Variants in ESCO1 observed in about 807,000 individuals in gnomAD.
ESCO1 encodes the protein N-acetyltransferase ESCO1.
ESCO1 carries 33 observed loss-of-function variants against 83.5 expected under a neutral mutation model. The ratio of observed to expected loss-of-function variants is 0.40; its 90% CI spans 0.30 to 0.53. The LOEUF (loss-of-function observed/expected upper bound fraction) is 0.53, where lower values mean the gene tolerates loss of function less well. Ranked by LOEUF, ESCO1 falls within the 20% of genes least tolerant of loss-of-function variation. The pLI, the probability that ESCO1 is intolerant of heterozygous loss-of-function variation, is 0.63. For synonymous variants in ESCO1, 332 were observed against 324.3 expected (o/e 1.02, Z -0.25); for missense variants, 855 against 968.0 (o/e 0.88, Z 1.55).
intron 2 of ESCO1, among the ~76,000 whole-genome samples, chr18:21,581,391 T>C (rs76020300): frequency 0.042 from 6,380 of 151,898 alleles, 459 homozygotes; most frequent in African/African-American, 0.15. Context: ...TTTAACAGTT[T>C]AGTTCCAACA....
intron 8 of ESCO1, among the ~76,000 whole-genome samples, chr18:21,560,460 T>C (rs2038168397): frequency 6.6e-6 from 1 of 151,918 alleles, no homozygotes; most frequent in Non-Finnish European, 1.5e-5. Flanking sequence ...ACCTACTTGG[T>C]ATAATACCTA....
chr18:21,576,429 G>A (rs2038419537), intron 2 of ESCO1, among the ~76,000 whole-genome samples: 1 of 152,148 alleles, frequency 6.6e-6, no homozygotes, highest in African/African-American at 2.4e-5. Context: ...TTTGAGCCTA[G>A]GAGTTGAAGG....
chr18:21,557,983 GT>G (rs757798371), intron 8 of ESCO1, among the ~76,000 whole-genome samples: 245 of 141,254 alleles, frequency 1.7e-3, no homozygotes, highest in Middle Eastern at 3.6e-3. Flanking sequence ...GTTTTTTGGG[GT>G]TTTTTTTTTT....
At chr18:21,564,468 G>T in intron 6 of ESCO1, 151 bp from the exon 7 acceptor site, 1 of 530,024 alleles carries the variant, frequency 1.9e-6, no homozygotes, top group Non-Finnish European at 3.3e-6. Flanking sequence ...TTGGCTCACT[G>T]CAAACTTTGC....
chr18:21,600,026 T>A (rs1333127607), intron 1 of ESCO1, among the ~76,000 whole-genome samples: 1 of 152,194 alleles, frequency 6.6e-6, no homozygotes, highest in Non-Finnish European at 1.5e-5. Context: ...CAGCATGAGT[T>A]ACTCTATGAC....
At chr18:21,562,467 CAAA>C (rs34722426) in intron 7 of ESCO1, among the ~76,000 whole-genome samples, 11 of 138,646 alleles carry the variant, frequency 7.9e-5, no homozygotes, top group Non-Finnish European at 6.3e-5. Flanking sequence ...CTCCGTCTTA[CAAA>C]AAAAAAAAAA....
chr18:21,551,241 C>T (rs1482312343), intron 8 of ESCO1, among the ~76,000 whole-genome samples: 1 of 151,534 alleles, frequency 6.6e-6, no homozygotes, highest in African/African-American at 2.4e-5. Flanking sequence ...GAGGCCGAGG[C>T]GGACAGATCA....
chr18:21,557,388 G>T (rs894256407), intron 8 of ESCO1, among the ~76,000 whole-genome samples: 1 of 152,144 alleles, frequency 6.6e-6, no homozygotes, highest in African/African-American at 2.4e-5. Flanking sequence ...AATCATAGAT[G>T]ACTATCTATG....
intron 10 of ESCO1, among the ~76,000 whole-genome samples, chr18:21,533,256 C>A (rs1015887646): frequency 2.0e-5 from 3 of 151,966 alleles, no homozygotes; most frequent in African/African-American, 7.3e-5. Context: ...TAAAAAATAT[C>A]TCTGCCAGTC....
At chr18:21,542,651 C>T (rs1236375108) in intron 8 of ESCO1, among the ~76,000 whole-genome samples, 1 of 152,114 alleles carries the variant, frequency 6.6e-6, no homozygotes, top group East Asian at 1.9e-4. Flanking sequence ...TCTAACAAAA[C>T]AGTCAATCAA....
intron 8 of ESCO1, among the ~76,000 whole-genome samples, chr18:21,553,336 G>A (rs950302870): frequency 1.3e-5 from 2 of 151,612 alleles, no homozygotes; most frequent in African/African-American, 4.9e-5. Context: ...GACTGGGCAC[G>A]GTGGCTCTTG....
intron 8 of ESCO1, chr18:21,540,819 T>C (rs2037896683): frequency 3.5e-6 from 3 of 851,034 alleles, no homozygotes; most frequent in Middle Eastern, 4.8e-4. Flanking sequence ...TGAGCTTAAC[T>C]AGTTGTTCCA....
chr18:21,589,653 A>G (rs2038634299), intron 1 of ESCO1, among the ~76,000 whole-genome samples: 1 of 152,210 alleles, frequency 6.6e-6, no homozygotes, highest in South Asian at 2.1e-4. Context: ...AAAGCCATCT[A>G]AACAGCTGGG....
intron 1 of ESCO1, among the ~76,000 whole-genome samples, chr18:21,586,909 T>C (rs1177031728): frequency 6.6e-6 from 1 of 152,212 alleles, no homozygotes; most frequent in Non-Finnish European, 1.5e-5. Context: ...TTTTCACAGA[T>C]GCCCTTCTAT....
chr18:21,560,620 T>C (rs1358451595), intron 8 of ESCO1, among the ~76,000 whole-genome samples: 2 of 152,146 alleles, frequency 1.3e-5, no homozygotes, highest in East Asian at 3.8e-4. Context: ...ATCACTACTT[T>C]AGAAAAGTAA....
intron 9 of ESCO1, among the ~76,000 whole-genome samples, chr18:21,539,621 A>T (rs1390464970): frequency 6.6e-6 from 1 of 152,172 alleles, no homozygotes; most frequent in Non-Finnish European, 1.5e-5. Context: ...GGAGGCCAAG[A>T]CAGGCAGATC....
intron 10 of ESCO1, among the ~76,000 whole-genome samples, chr18:21,535,320 T>C (rs2146167782): frequency 6.6e-6 from 1 of 152,032 alleles, no homozygotes; most frequent in Admixed American, 6.6e-5. Flanking sequence ...GTTCAAGCGA[T>C]TCTCCTGCCT....
chr18:21,555,733 T>C (rs568910673), intron 8 of ESCO1, among the ~76,000 whole-genome samples: 4 of 151,932 alleles, frequency 2.6e-5, no homozygotes, highest in East Asian at 3.9e-4. Flanking sequence ...GCCCAGGAGG[T>C]TGAGACTGCA....
intron 1 of ESCO1, among the ~76,000 whole-genome samples, chr18:21,589,490 T>C (rs1186787555): frequency 6.6e-6 from 1 of 152,108 alleles, no homozygotes; most frequent in Non-Finnish European, 1.5e-5. Context: ...CACTGGAAAC[T>C]TCTAGCTATC....
Sources: gnomAD v4.1 joint callset for allele counts (sites outside exome capture counted in the v4.1 genomes callset) on GRCh38, gnomAD v4.1.1 for gene constraint, MANE v1.5 for transcripts, NCBI Gene and HGNC (gene_info 2026-07-23, HGNC 2026-07-21) for gene names.